Variants in SYT2 observed in about 807,000 individuals in gnomAD.
The protein encoded by SYT2 is synaptotagmin 2.
In SYT2, 15 loss-of-function variants were observed where a neutral mutation model predicts 39.9. The ratio of observed to expected loss-of-function variants is 0.38; its 90% CI spans 0.25 to 0.58. The LOEUF is 0.58. Ranked by LOEUF, SYT2 falls within the 20% of genes least tolerant of loss-of-function variation. SYT2 has a pLI of 0.70. For synonymous variants in SYT2, 181 were observed against 204.5 expected (o/e 0.89, Z 0.98); for missense variants, 389 against 530.3 (o/e 0.73, Z 2.62).
Position 202,594,967 on chromosome 1 carries a change from T to G in SYT2, c.*1790A>C, listed in dbSNP as rs1023223765. 1 of 152,282 alleles carries G rather than the reference T, an allele frequency of 6.6e-6. No individual in the cohort carries two copies. Among genetic ancestry groups the G allele is most frequent in the Non-Finnish European group, 1.5e-5 (1 of 68,092 alleles). The allele number at this position is 152,282 out of a possible 1,614,324, so 9.4% of individuals were successfully genotyped here. The stretch of plus-strand genomic sequence containing the variant: ...GATTCCCTCCAACACTGTCCATCTG[T>G]CTTGGGTGTCTACAGGAAGCTGAAG... On this transcript the variant is annotated 3_prime_UTR_variant, in exon 9 of 9. Transcript: ENST00000367268.
chr1:202,705,394 C>G (rs1158467245), intron 1 of SYT2, among the ~76,000 whole-genome samples: 1 of 152,218 alleles, frequency 6.6e-6, no homozygotes, highest in African/African-American at 2.4e-5. Flanking sequence ...TTGTGCGGGA[C>G]CCACACTGAC....
chr1:202,670,517 G>A (rs1266425005), intron 1 of SYT2, among the ~76,000 whole-genome samples: 1 of 152,118 alleles, frequency 6.6e-6, no homozygotes, highest in Non-Finnish European at 1.5e-5. Flanking sequence ...GTCATTAAAT[G>A]TCTAGAAAAA....
intron 1 of SYT2, among the ~76,000 whole-genome samples, chr1:202,615,972 T>C (rs188836726): frequency 1.3e-5 from 2 of 152,210 alleles, no homozygotes; most frequent in Admixed American, 1.3e-4. Flanking sequence ...GCTTTCTCCT[T>C]CTCCATGGCT....
intron 1 of SYT2, among the ~76,000 whole-genome samples, chr1:202,645,855 G>A (rs1234997645): frequency 6.6e-6 from 1 of 152,206 alleles, no homozygotes; most frequent in African/African-American, 2.4e-5. Context: ...AAACACAGCT[G>A]TGCTTCACTC....
At chr1:202,604,293 C>G in intron 3 of SYT2, 162 bp downstream of exon 3, 1 of 694,162 alleles carries the variant, frequency 1.4e-6, no homozygotes, top group Non-Finnish European at 2.5e-6. Context: ...CAGGGGCCTC[C>G]AGGTAGACGG....
At chr1:202,616,500 GCACA>G (rs1256523336) in intron 1 of SYT2, among the ~76,000 whole-genome samples, 1 of 151,970 alleles carries the variant, frequency 6.6e-6, no homozygotes, top group Non-Finnish European at 1.5e-5. Flanking sequence ...ATACACATAT[GCACA>G]CACATATACA....
In SYT2 at chr1:202,650,435, C is replaced by CTTTTTTT. The variant is rs68013997; in HGVS notation, c.-17-44647_-17-44646insAAAAAAA. Among the ~76,000 whole-genome samples the CTTTTTTT allele has an allele frequency of 1.4e-5, 2 of 143,262 alleles. 1 individual carries two copies. The allele number at this position is 143,262 out of a possible 152,430, so 94.0% of individuals were successfully genotyped here. On this transcript the variant is annotated intron_variant, in intron 1 of 8. Transcript: ENST00000367268. ...GTCTGCCAAACATTTGTTTCATATG[C>CTTTTTTT]TTTTGTTTTTTTTTTTTTGAGACAT...
At chr1:202,700,327 A>C (rs1165635314) in intron 1 of SYT2, among the ~76,000 whole-genome samples, 1 of 152,162 alleles carries the variant, frequency 6.6e-6, no homozygotes, top group Non-Finnish European at 1.5e-5. Flanking sequence ...GCCCTGTGAC[A>C]CGAAGCCCCG....
rs1277373028 is a variant in SYT2 at position 202,599,463 on chromosome 1, T to C, written c.920-112A>G. On this transcript the variant is annotated intron_variant, in intron 7 of 8. Coordinates refer to ENST00000367268, the MANE Select transcript of SYT2 (RefSeq NM_177402.5). The surrounding 1 kb of genome is among the most constrained non-coding windows in gnomAD (Gnocchi z 4.4). The stretch of plus-strand genomic sequence containing the variant: ...GGTCAAGAGGGGGTCTTCACTCCGC[T>C]GAGACCAGGCCCTCAGAAAGCCCCA... The C allele has an allele frequency of 4.8e-6, 6 of 1,254,856 alleles. No individual in the cohort carries two copies. The highest frequency in any genetic ancestry group is 6.5e-6 in the Non-Finnish European group (6 of 924,386). The allele number at this position is 1,254,856 out of a possible 1,614,324, so 77.7% of individuals were successfully genotyped here.
At chr1:202,634,593 A>G (rs1231934249) in intron 1 of SYT2, among the ~76,000 whole-genome samples, 1 of 152,266 alleles carries the variant, frequency 6.6e-6, no homozygotes, top group Non-Finnish European at 1.5e-5. Context: ...TGTTGATAGC[A>G]GCATTATTCA....
At position 202,646,664 on chromosome 1, in the gene SYT2, T is replaced by G. The variant is rs1305403881; in HGVS notation, c.-17-40875A>C. On this transcript the variant is annotated intron_variant, in intron 1 of 8. Coordinates refer to ENST00000367268, the MANE Select transcript of SYT2 (RefSeq NM_177402.5). ...GGATTTTGATTATAAAACAGACTTTTTGTAAAGATTAACGGGATAATGTAT... is the reference window on the plus strand; with the variant it reads ...GGATTTTGATTATAAAACAGACTTTGTGTAAAGATTAACGGGATAATGTAT... Among the ~76,000 whole-genome samples, 4 of 152,234 alleles carry G rather than the reference T, an allele frequency of 2.6e-5. No individual in the cohort carries two copies. In the East Asian group the frequency reaches 7.7e-4, roughly 29 times the overall value.
chr1:202,694,048 G>A (rs910307726), intron 1 of SYT2, among the ~76,000 whole-genome samples: 8 of 152,156 alleles, frequency 5.3e-5, no homozygotes, highest in South Asian at 4.1e-4. Flanking sequence ...TCATTACCAC[G>A]AGGAGGACAC....
At chr1:202,605,555 C>G (rs766146537) in intron 2 of SYT2, 40 bp downstream of exon 2, 1 of 1,592,400 alleles carries the variant, frequency 6.3e-7, no homozygotes, top group Non-Finnish European at 8.6e-7. Context: ...CTCCCAGACT[C>G]TAGCCTTGCC....
At chr1:202,617,613 T>A (rs1691082375) in intron 1 of SYT2, among the ~76,000 whole-genome samples, 1 of 152,172 alleles carries the variant, frequency 6.6e-6, no homozygotes, top group Admixed American at 6.5e-5. Context: ...AGTCTACACA[T>A]CTTTCTCAGC....
At chr1:202,637,827 C>T (rs1320364052) in intron 1 of SYT2, among the ~76,000 whole-genome samples, 2 of 152,204 alleles carry the variant, frequency 1.3e-5, no homozygotes, top group East Asian at 3.9e-4. Context: ...GACTGCCGGC[C>T]CTGATGATCA....
chr1:202,626,785 C>G (rs1691430117), intron 1 of SYT2, among the ~76,000 whole-genome samples: 1 of 152,094 alleles, frequency 6.6e-6, no homozygotes. Flanking sequence ...TTAGAACAGC[C>G]AGGGCTGCTT....
intron 1 of SYT2, among the ~76,000 whole-genome samples, chr1:202,683,417 T>C (rs1172160742): frequency 1.3e-5 from 2 of 152,062 alleles, no homozygotes; most frequent in Non-Finnish European, 2.9e-5. Context: ...TTCACAAACA[T>C]CACACAGGGG....
chr1:202,685,345 C>T (rs566660869), intron 1 of SYT2, among the ~76,000 whole-genome samples: 1 of 152,230 alleles, frequency 6.6e-6, no homozygotes, highest in African/African-American at 2.4e-5. Context: ...CTAACACCTC[C>T]ATTGCTCACA....
chr1:202,667,487 G>A (rs1218842717), intron 1 of SYT2, among the ~76,000 whole-genome samples: 1 of 144,576 alleles, frequency 6.9e-6, no homozygotes, highest in Non-Finnish European at 1.5e-5. Flanking sequence ...GTGTGTGTGT[G>A]TGTGTGTGTG....
Sources: allele counts gnomAD v4.1 joint callset (sites outside exome capture counted in the v4.1 genomes callset), GRCh38; gene constraint gnomAD v4.1.1; non-coding constraint Gnocchi (gnomAD v3.1); transcripts MANE v1.5; gene names NCBI Gene and HGNC (gene_info 2026-07-23, HGNC 2026-07-21).